ELAVL1: variants seen among roughly 807,000 people sequenced by gnomAD.
ELAVL1 encodes the protein ELAV-like protein 1.
In ELAVL1, 1 loss-of-function variant was observed where a neutral mutation model predicts 28.4. The observed-to-expected ratio is 0.04, with a 90% CI of 0.01 to 0.17. The LOEUF is 0.17. ELAVL1 is among the 10% of genes least tolerant of loss of function. The pLI, the probability that ELAVL1 is intolerant of heterozygous loss-of-function variation, is 1.00. For synonymous variants in ELAVL1, 174 were observed against 183.5 expected, an observed-to-expected ratio of 0.95 and a Z score of 0.42; for missense variants, 157 against 447.2, an observed-to-expected ratio of 0.35 and a Z score of 5.85.
At chr19:7,966,902 G>A (rs1984969566) in intron 5 of ELAVL1, among the ~76,000 whole-genome samples, 1 of 152,278 alleles carries the variant, frequency 6.6e-6, no homozygotes, top group African/African-American at 2.4e-5. Context: ...ACAGGTGTGT[G>A]CTCCCCCACA....
At chr19:7,966,660 C>A (rs556051871) in intron 5 of ELAVL1, among the ~76,000 whole-genome samples, 1 of 152,304 alleles carries the variant, frequency 6.6e-6, no homozygotes, top group African/African-American at 2.4e-5. Context: ...CACTCTATCA[C>A]CCAGGCTGCA....
chr19:7,981,703 CA>C lies in ELAVL1; in HGVS notation c.173-518del, dbSNP rs1206801858. Reference sequence around the variant, plus strand: ...TTTACTTTTGTAATTAAAATAACCCCAAAAGTTATTTACAAAGGAGTATTTT... The same window carrying C: ...TTTACTTTTGTAATTAAAATAACCCCAAAGTTATTTACAAAGGAGTATTTT... On this transcript the variant is annotated intron_variant, in intron 2 of 5. Transcript: ENST00000407627. The surrounding 1 kb of genome is among the most constrained non-coding windows in gnomAD (Gnocchi z 4.2). 2.6e-5 allele frequency among the ~76,000 whole-genome samples: 4 copies of C among 152,152 alleles called. No homozygotes were observed. The highest frequency in any genetic ancestry group is 9.7e-5 in the African/African-American group (4 of 41,418).
chr19:7,995,449 G>C (rs929257358), intron 1 of ELAVL1, among the ~76,000 whole-genome samples: 8 of 152,142 alleles, frequency 5.3e-5, no homozygotes, highest in African/African-American at 1.9e-4. Context: ...CTAGGTCTGG[G>C]AAAAGTGGAC....
At chr19:7,964,945 T>C (rs1798759214) in intron 5 of ELAVL1, among the ~76,000 whole-genome samples, 1 of 152,208 alleles carries the variant, frequency 6.6e-6, no homozygotes, top group African/African-American at 2.4e-5. Context: ...AAAACTGGGC[T>C]TCAGGCTATG....
chr19:7,983,575 C>T (rs1375269530), intron 2 of ELAVL1, among the ~76,000 whole-genome samples: 9 of 152,152 alleles, frequency 5.9e-5, no homozygotes. Context: ...CTCCTGAACA[C>T]CTGCTCTCGA....
At chr19:8,000,719 T>C (rs1044439827) in intron 1 of ELAVL1, among the ~76,000 whole-genome samples, 1 of 152,254 alleles carries the variant, frequency 6.6e-6, no homozygotes, top group Non-Finnish European at 1.5e-5. Flanking sequence ...CAGGTGGACA[T>C]GGCACCAGCT....
intron 1 of ELAVL1, among the ~76,000 whole-genome samples, chr19:7,998,845 A>G (rs758463109): frequency 6.6e-6 from 1 of 152,114 alleles, no homozygotes; most frequent in Non-Finnish European, 1.5e-5. Context: ...CTGCTGCCAA[A>G]CTAGAGTGCA....
chr19:7,970,185 C>T (rs912310037), intron 4 of ELAVL1, among the ~76,000 whole-genome samples: 2 of 150,484 alleles, frequency 1.3e-5, no homozygotes, highest in African/African-American at 4.9e-5. Flanking sequence ...GATGGAGTTT[C>T]GCTCTTTTTG....
At chr19:7,996,328 C>A (rs1054516606) in intron 1 of ELAVL1, among the ~76,000 whole-genome samples, 1 of 151,900 alleles carries the variant, frequency 6.6e-6, no homozygotes, top group Non-Finnish European at 1.5e-5. Context: ...ACTACAGGCG[C>A]CCGCCACCAT....
rs1476018187 is a variant in ELAVL1 at position 7,982,231 on chromosome 19, G to T, written c.173-1045C>A. On this transcript the variant is annotated intron_variant, in intron 2 of 5. Coordinates refer to ENST00000407627, the MANE Select transcript of ELAVL1 (RefSeq NM_001419.3). This position sits in a 1 kb window ranked among gnomAD's most constrained non-coding sequence, Gnocchi z 4.3. ...ATTTGGCCAAATGCTCTCACTAAAG[G>T]GGAAGTGAGGAGGCACAGGGAAGAG... Among the ~76,000 whole-genome samples, 1 of 152,192 alleles carries T rather than the reference G, an allele frequency of 6.6e-6. No individual in the cohort carries two copies. Among genetic ancestry groups the T allele is most frequent in the Non-Finnish European group, 1.5e-5 (1 of 68,038 alleles).
intron 4 of ELAVL1, among the ~76,000 whole-genome samples, chr19:7,970,064 C>T (rs1311896062): frequency 6.6e-6 from 1 of 152,142 alleles, no homozygotes; most frequent in Non-Finnish European, 1.5e-5. Flanking sequence ...CCTCCACCTC[C>T]CCGGTTCAAG....
rs1353669540 is a variant in ELAVL1 at position 7,962,573 on chromosome 19, TG to T, written c.*909del. 6.6e-6 allele frequency: 1 copy of T among 152,628 alleles called. No homozygotes were observed. Among genetic ancestry groups the T allele is most frequent in the East Asian group, 1.9e-4 (1 of 5,200 alleles). 9.5% of individuals were successfully genotyped at this position (152,628 alleles called of 1,614,324 possible). A position where few individuals can be genotyped will look rare whatever the true frequency, so the allele number is the denominator to read the frequency against. On this transcript the variant is annotated 3_prime_UTR_variant, in exon 6 of 6. Transcript: ENST00000407627. ...ACGAGAAGGGATGCGAGAAATACAATGCTCAAATGTTTCTGTGTTATTAAAA... is the reference window on the plus strand; with the variant it reads ...ACGAGAAGGGATGCGAGAAATACAATCTCAAATGTTTCTGTGTTATTAAAA...
rs77815058 is a variant in ELAVL1, at chr19:7,979,673, C to T, written c.276+1410G>A. Among the ~76,000 whole-genome samples, 21,635 of 152,186 alleles carry T rather than the reference C, an allele frequency of 0.14. 2,076 individuals carry two copies. Among genetic ancestry groups the T allele is most frequent in the Non-Finnish European group, 0.21 (14,552 of 67,970 alleles). ...CTTGGCTGCCCTCACCAGCCCCCAC[C>T]GGGGAAGGTGCCTCTGAGGACCTGC... On this transcript the variant is annotated intron_variant, in intron 3 of 5. Transcript: ENST00000407627. The surrounding 1 kb of genome is among the most constrained non-coding windows in gnomAD (Gnocchi z 5.4).
At chr19:7,965,460 C>T (rs1984933147) in intron 5 of ELAVL1, among the ~76,000 whole-genome samples, 1 of 152,136 alleles carries the variant, frequency 6.6e-6, no homozygotes, top group Non-Finnish European at 1.5e-5. Context: ...TCTCTTCCTC[C>T]AACCCAATTC....
chr19:7,967,044 A>G (rs2145201049), intron 5 of ELAVL1, among the ~76,000 whole-genome samples: 1 of 151,196 alleles, frequency 6.6e-6, no homozygotes, highest in Middle Eastern at 3.5e-3. Context: ...TTTTTTAATA[A>G]AAACAAAAAA....
intron 2 of ELAVL1, among the ~76,000 whole-genome samples, chr19:7,987,057 G>A (rs1487353578): frequency 2.7e-5 from 4 of 146,838 alleles, no homozygotes; most frequent in South Asian, 2.1e-4. Flanking sequence ...CATTCCTGCA[G>A]AGGGAACAGT....
rs1330642853 is a variant in ELAVL1 at position 7,979,311 on chromosome 19, C to T, written c.276+1772G>A. ...TGGCCGGGATGACAGGGAGGGACAC[C>T]TGCCCAGGCCTGGGCCCCTGGGGTC... On this transcript the variant is annotated intron_variant, in intron 3 of 5. Transcript: ENST00000407627. The surrounding 1 kb of genome is among the most constrained non-coding windows in gnomAD (Gnocchi z 5.4). Among the ~76,000 whole-genome samples the T allele has an allele frequency of 6.6e-6, 1 of 152,190 alleles. No homozygotes were observed. Among genetic ancestry groups the T allele is most frequent in the African/African-American group, 2.4e-5 (1 of 41,462 alleles).
At chr19:7,968,867 AG>A in intron 4 of ELAVL1, among the ~76,000 whole-genome samples, 1 of 152,206 alleles carries the variant, frequency 6.6e-6, no homozygotes, top group South Asian at 2.1e-4. Context: ...AAACTGGATG[AG>A]GGGGATGGGG....
In ELAVL1 at chr19:7,979,555, G is replaced by T. The variant is rs73923952; in HGVS notation, c.276+1528C>A. ...TCACACATTTTCTAAATAGGGGAGA[G>T]AATTCCTAGATGGGGAGTCCAGGGC... On this transcript the variant is annotated intron_variant, in intron 3 of 5. Transcript: ENST00000407627. The surrounding 1 kb of genome is among the most constrained non-coding windows in gnomAD (Gnocchi z 5.4). Among the ~76,000 whole-genome samples the T allele has an allele frequency of 6.6e-6, 1 of 152,228 alleles. No individual in the cohort carries two copies. The highest frequency in any genetic ancestry group is 2.4e-5 in the African/African-American group (1 of 41,442).
Sources: allele counts gnomAD v4.1 joint callset (sites outside exome capture counted in the v4.1 genomes callset), GRCh38; gene constraint gnomAD v4.1.1; non-coding constraint Gnocchi (gnomAD v3.1); transcripts MANE v1.5; gene names NCBI Gene and HGNC (gene_info 2026-07-23, HGNC 2026-07-21).